Variants in ZNF292 observed in about 807,000 individuals in gnomAD.
ZNF292 encodes zinc finger protein 292.
Under a neutral mutation model 217.9 loss-of-function variants are expected in ZNF292, and 26 were observed. The ratio of observed to expected loss-of-function variants is 0.12; its 90% CI spans 0.09 to 0.17. ZNF292 has a LOEUF of 0.17. Ranked by LOEUF, ZNF292 falls within the 10% of genes least tolerant of loss-of-function variation. The pLI, the probability that ZNF292 is intolerant of heterozygous loss-of-function variation, is 1.00. For missense variants in ZNF292, 2,904 were observed against 3,175.2 expected (o/e 0.91, Z 2.05); for synonymous variants, 1,257 against 1,124.1 (o/e 1.12, Z -2.37).
intron 6 of ZNF292, 145 bp downstream of exon 6, chr6:87,243,756 T>C: frequency 2.6e-6 from 2 of 782,134 alleles, no homozygotes; most frequent in Admixed American, 3.9e-5. Flanking sequence ...CTGTGCAAAC[T>C]TATTATCGAG....
intron 1 of ZNF292, among the ~76,000 whole-genome samples, chr6:87,193,090 G>A (rs955734410): frequency 9.9e-5 from 15 of 152,214 alleles, no homozygotes; most frequent in Non-Finnish European, 2.1e-4. Flanking sequence ...TTGGGCTCAA[G>A]CAGTTCTCCT....
Position 87,216,012 on chromosome 6 carries a change from C to T in ZNF292, c.278C>T (p.Thr93Ile). 6.3e-7 allele frequency: 1 copy of T among 1,580,126 alleles called. No individual in the cohort carries two copies. Among genetic ancestry groups the T allele is most frequent in the South Asian group, 1.2e-5 (1 of 85,540 alleles). ...QSYVKARPYL[T>I]SECENVALVL... is the part of the protein sequence containing the mutation. Reference sequence around the variant, plus strand: ...TATGTTAAAGCCCGACCTTATCTTACCTCTGAATGTGAAAATGTAGCCTTG... The same window carrying T: ...TATGTTAAAGCCCGACCTTATCTTATCTCTGAATGTGAAAATGTAGCCTTG... The change falls in exon 2 of 8, where the codon ACC becomes ATC. Residue 93 changes from threonine (T) to isoleucine (I), a missense_variant. Around this residue, in one of 15 missense-constraint regions of ZNF292, gnomAD observed 313 missense variants for 451.0 expected, o/e 0.69. Coordinates refer to ENST00000369577, the MANE Select transcript of ZNF292 (RefSeq NM_015021.3).
chr6:87,201,438 CTT>C (rs1772096927), intron 1 of ZNF292, among the ~76,000 whole-genome samples: 1 of 152,068 alleles, frequency 6.6e-6, no homozygotes, highest in South Asian at 2.1e-4. Context: ...GAGTTTTGCT[CTT>C]GTTGCCCAGG....
intron 5 of ZNF292, among the ~76,000 whole-genome samples, chr6:87,236,388 T>G (rs966898217): frequency 2.9e-5 from 4 of 135,842 alleles, no homozygotes; most frequent in Non-Finnish European, 6.5e-5. Flanking sequence ...CCCCATAGGT[T>G]GTTTTTTTTT....
chr6:87,180,888 A>G (rs969227584), intron 1 of ZNF292, among the ~76,000 whole-genome samples: 2 of 152,170 alleles, frequency 1.3e-5, no homozygotes, highest in African/African-American at 4.8e-5. Context: ...AATAATTGTA[A>G]TTGAGAGTTC....
intron 3 of ZNF292, among the ~76,000 whole-genome samples, chr6:87,217,920 C>T (rs1315050204): frequency 2.6e-5 from 4 of 152,114 alleles, no homozygotes; most frequent in Non-Finnish European, 5.9e-5. Flanking sequence ...TTTCTTTACC[C>T]AGAGGATAAG....
intron 7 of ZNF292, 89 bp downstream of exon 7, chr6:87,245,733 C>G (rs1310346269): frequency 1.1e-6 from 1 of 879,866 alleles, no homozygotes; most frequent in African/African-American, 1.7e-5. Context: ...GCTCCCTTTT[C>G]AGTGATTTTT....
rs896256637 is a variant in ZNF292 at position 87,258,633 on chromosome 6, C to G, written c.5004C>G (p.Asn1668Lys). ...AGAGTGTTGAAATCCCAACTACTAA[C>G]CTTCATTCAAATGTAATTCCAACTT... ...IAKSVEIPTT[N>K]LHSNVIPTCE... The change falls in exon 8 of 8, where the codon AAC (asparagine) becomes AAG (lysine). Residue 1668 changes from asparagine to lysine, a missense_variant. Physicochemically the swap from Asn to Lys is moderately conservative, Grantham distance 94. Around this residue, in one of 15 missense-constraint regions of ZNF292, gnomAD observed 622 missense variants for 573.1 expected, o/e 1.09. Coordinates refer to ENST00000369577, the MANE Select transcript of ZNF292 (RefSeq NM_015021.3). The G allele has an allele frequency of 6.2e-7, 1 of 1,613,572 alleles. No individual in the cohort carries two copies. The highest frequency in any genetic ancestry group is 1.3e-5 in the African/African-American group (1 of 75,028).
chr6:87,260,902 A>C lies in ZNF292; in HGVS notation c.7273A>C (p.Ile2425Leu), dbSNP rs749805008. 3.1e-6 allele frequency: 5 copies of C among 1,610,602 alleles called. No homozygotes were observed. The highest frequency in any genetic ancestry group is 2.2e-5 in the South Asian group (2 of 90,556). ...AFTSQHRNLLIVFKRCCNSQV... is the reference protein window; with the variant it reads ...AFTSQHRNLLLVFKRCCNSQV... ...TACATCACAACACCGAAATCTTCTT[A>C]TTGTATTCAAACGGTGTTGCAACTC... The change falls in exon 8 of 8, where the codon ATT (isoleucine) becomes CTT (leucine). Residue 2425 changes from isoleucine (I) to leucine (L), a missense_variant. Coordinates refer to ENST00000369577, the MANE Select transcript of ZNF292 (RefSeq NM_015021.3).
chr6:87,261,102 A>G lies in ZNF292; in HGVS notation c.7473A>G (p.Lys2491=), dbSNP rs1259108821. Residue 2491 remains lysine (K), a synonymous_variant, in exon 8 of 8, where the codon AAA becomes AAG. Coordinates refer to ENST00000369577, the MANE Select transcript of ZNF292 (RefSeq NM_015021.3). ...MDELTELFIT[K]LINEDSTSVE... is the part of the protein sequence containing the mutation. ...AACTAACAGAATTGTTTATTACAAAATTAATAAATGAAGATAGCACAAGTG... is the reference window on the plus strand; with the variant it reads ...AACTAACAGAATTGTTTATTACAAAGTTAATAAATGAAGATAGCACAAGTG... 1.2e-6 allele frequency: 2 copies of G among 1,611,214 alleles called. No individual in the cohort carries two copies. Among genetic ancestry groups the G allele is most frequent in the Non-Finnish European group, 1.7e-6 (2 of 1,178,880 alleles).
intron 4 of ZNF292, among the ~76,000 whole-genome samples, chr6:87,231,495 A>G (rs1358855500): frequency 6.6e-6 from 1 of 152,180 alleles, no homozygotes; most frequent in Non-Finnish European, 1.5e-5. Flanking sequence ...AAAATGATCT[A>G]TAAATTTCCT....
chr6:87,199,844 C>G (rs950223938), intron 1 of ZNF292, among the ~76,000 whole-genome samples: 1 of 152,108 alleles, frequency 6.6e-6, no homozygotes. Context: ...CTATTCAGAG[C>G]AGTTACTAGA....
At position 87,257,184 on chromosome 6, in the gene ZNF292, G is replaced by A. The variant is rs748189732; in HGVS notation, c.3555G>A (p.Gln1185=). The change falls in exon 8 of 8, where the codon CAG becomes CAA. Residue 1185 remains glutamine, a synonymous_variant. Coordinates refer to ENST00000369577, the MANE Select transcript of ZNF292 (RefSeq NM_015021.3). The stretch of plus-strand genomic sequence containing the variant: ...ATCCTGCTTGTTCGGCCCAGTTGCA[G>A]CATGTCTCGCCACCCATTTTTCCAG... The part of the protein sequence containing the change: ...NGNPACSAQL[Q]HVSPPIFPAH... The A allele has an allele frequency of 1.9e-6, 3 of 1,613,894 alleles. No homozygotes were observed. The highest frequency in any genetic ancestry group is 2.5e-6 in the Non-Finnish European group (3 of 1,179,852).
intron 4 of ZNF292, 145 bp downstream of exon 4, chr6:87,218,876 C>T (rs1055624126): frequency 1.2e-4 from 96 of 785,870 alleles, no homozygotes; most frequent in Non-Finnish European, 1.5e-4. Context: ...TGAGGCCCTG[C>T]GCCTTTATTT....
chr6:87,220,712 T>C (rs1773037789), intron 4 of ZNF292, among the ~76,000 whole-genome samples: 1 of 152,256 alleles, frequency 6.6e-6, no homozygotes, highest in South Asian at 2.1e-4. Flanking sequence ...TTTACTTGTT[T>C]GAATGTGCCT....
Position 87,259,595 on chromosome 6 carries a change from G to A in ZNF292, c.5966G>A (p.Gly1989Glu). 6.3e-7 allele frequency: 1 copy of A among 1,577,944 alleles called. No individual in the cohort carries two copies. The highest frequency in any genetic ancestry group is 1.2e-5 in the South Asian group (1 of 86,350). The change falls in exon 8 of 8, where the codon GGA (glycine) becomes GAA (glutamate). Residue 1989 changes from glycine (G) to glutamate (E), a missense_variant. By Grantham distance (98) the Gly-to-Glu change is moderately conservative. Transcript: ENST00000369577. ...MVKLKIKRPY[G>E]RKSQSENVPA... ...AAGTTAAAAATTAAAAGGCCTTATG[G>A]AAGAAAATCTCAGAGTGAAAATGTG...
rs1489339545 is a variant in ZNF292, at chr6:87,261,548, A to G, written c.7919A>G (p.Asn2640Ser). ...NIDKTAVTSG[N>S]HVCPCKESET... ...GATAAGACTGCTGTGACTAGTGGAAATCATGTATGTCCTTGTAAAGAAAGC... is the reference window on the plus strand; with the variant it reads ...GATAAGACTGCTGTGACTAGTGGAAGTCATGTATGTCCTTGTAAAGAAAGC... Residue 2640 changes from asparagine to serine, a missense_variant, in exon 8 of 8, where the codon AAT becomes AGT. Physicochemically the swap from Asn to Ser is conservative, Grantham distance 46. Transcript: ENST00000369577. 6.2e-7 allele frequency: 1 copy of G among 1,610,036 alleles called. No homozygotes were observed. Among genetic ancestry groups the G allele is most frequent in the African/African-American group, 1.3e-5 (1 of 74,836 alleles).
At chr6:87,244,157 A>C (rs1774451164) in intron 6 of ZNF292, among the ~76,000 whole-genome samples, 1 of 152,224 alleles carries the variant, frequency 6.6e-6, no homozygotes, top group African/African-American at 2.4e-5. Context: ...TGATTTATAA[A>C]ATTCCAACAT....
At chr6:87,205,092 G>T (rs528467522) in intron 1 of ZNF292, among the ~76,000 whole-genome samples, 6 of 152,104 alleles carry the variant, frequency 3.9e-5, no homozygotes, top group African/African-American at 1.4e-4. Flanking sequence ...ACTGGCCCCA[G>T]ACATGATATC....
Sources: gnomAD v4.1 joint callset for allele counts (sites outside exome capture counted in the v4.1 genomes callset) on GRCh38, gnomAD v4.1.1 for gene constraint, gnomAD v4.1.1 regional missense constraint, MANE v1.5 for transcripts, NCBI Gene and HGNC (gene_info 2026-07-23, HGNC 2026-07-21) for gene names.